Variants in BICRAL observed in about 807,000 individuals in gnomAD.
The protein encoded by BICRAL is BICRA like chromatin remodeling complex associated protein.
In BICRAL, 8 loss-of-function variants were observed where a neutral mutation model predicts 91.8. That is an observed-to-expected ratio of 0.09 (90% CI 0.05 to 0.16). The LOEUF is 0.16. Ranked by LOEUF, BICRAL falls within the 10% of genes least tolerant of loss-of-function variation. The pLI, the probability that BICRAL is intolerant of heterozygous loss-of-function variation, is 1.00. For synonymous variants in BICRAL, 445 were observed against 491.1 expected (o/e 0.91, Z 1.24); for missense variants, 1,038 against 1,310.9 (o/e 0.79, Z 3.21).
At chr6:42,823,591 C>A (rs567317920) in intron 5 of BICRAL, among the ~76,000 whole-genome samples, 1 of 151,970 alleles carries the variant, frequency 6.6e-6, no homozygotes, top group South Asian at 2.1e-4. Flanking sequence ...AGTTCAAGAC[C>A]AGCCTGGGCA....
chr6:42,821,596 G>A (rs1006698951), intron 2 of BICRAL, among the ~76,000 whole-genome samples: 22 of 152,202 alleles, frequency 1.4e-4, no homozygotes, highest in Admixed American at 1.4e-3. Context: ...TGCTCACCAT[G>A]TTTAGGAACA....
At chr6:42,830,274 A>C in intron 6 of BICRAL, 102 bp downstream of exon 6, 1 of 1,329,704 alleles carries the variant, frequency 7.5e-7, no homozygotes, top group Non-Finnish European at 1.0e-6. Flanking sequence ...CCAATTTCTT[A>C]AAAATTTTAG....
chr6:42,747,573 A>T (rs926794502), intron 1 of BICRAL, among the ~76,000 whole-genome samples: 2 of 152,182 alleles, frequency 1.3e-5, no homozygotes, highest in Admixed American at 1.3e-4. Context: ...TTGCTGGGCC[A>T]GAGTATTTCT....
At chr6:42,775,988 A>G (rs1182782740) in intron 1 of BICRAL, among the ~76,000 whole-genome samples, 1 of 152,208 alleles carries the variant, frequency 6.6e-6, no homozygotes, top group Non-Finnish European at 1.5e-5. Flanking sequence ...ATTCAATACT[A>G]TATATGGGAC....
At position 42,826,255 on chromosome 6, in the gene BICRAL, A is replaced by G. The variant is rs1352308859; in HGVS notation, c.160-2238A>G. On this transcript the variant is annotated intron_variant, in intron 5 of 12. Coordinates refer to ENST00000314073, the MANE Select transcript of BICRAL (RefSeq NM_001393499.1). ...TCTTTTTTTTTTTTTTTTTTTTGAG[A>G]CAAGAGTCTCGCTCTGTTGCCCAGG... 2.4e-5 allele frequency among the ~76,000 whole-genome samples: 3 copies of G among 126,294 alleles called. No individual in the cohort carries two copies. The East Asian group carries it at 6.5e-4, about 27-fold the overall frequency. The allele number at this position is 126,294 out of a possible 152,430, so 82.9% of individuals were successfully genotyped here. A position where few individuals can be genotyped will look rare whatever the true frequency, so the allele number is the denominator to read the frequency against.
At chr6:42,772,352 C>T (rs1762750614) in intron 1 of BICRAL, among the ~76,000 whole-genome samples, 1 of 152,070 alleles carries the variant, frequency 6.6e-6, no homozygotes, top group Non-Finnish European at 1.5e-5. Context: ...GAGAAGGCTT[C>T]CCAGAGGAGG....
chr6:42,852,311 T>C, intron 7 of BICRAL, 114 bp downstream of exon 7: 1 of 729,162 alleles, frequency 1.4e-6, no homozygotes, highest in Non-Finnish European at 2.5e-6. Flanking sequence ...TCCACTCCGA[T>C]TATTCCTTTC....
intron 1 of BICRAL, among the ~76,000 whole-genome samples, chr6:42,769,616 A>C (rs7738795): frequency 0.037 from 5,709 of 152,286 alleles, 342 homozygotes; most frequent in African/African-American, 0.13. Context: ...CATCAAGCTC[A>C]CTGTCTGGGC....
chr6:42,835,320 G>A (rs1044293649), intron 6 of BICRAL, among the ~76,000 whole-genome samples: 4 of 151,712 alleles, frequency 2.6e-5, no homozygotes, highest in African/African-American at 9.7e-5. Context: ...GTAGAGACAG[G>A]GTTTTACCAT....
intron 1 of BICRAL, among the ~76,000 whole-genome samples, chr6:42,763,721 T>G (rs1017929901): frequency 9.2e-5 from 14 of 151,716 alleles, no homozygotes. Flanking sequence ...CTTGGGAGGC[T>G]AAGGCAAGAG....
rs371987680 is a variant in BICRAL, at chr6:42,855,963, G to A, written c.2108+46G>A. 3.5e-6 allele frequency: 5 copies of A among 1,430,976 alleles called. No homozygotes were observed. The African/African-American group carries it at 5.6e-5, about 16-fold the overall frequency. 88.6% of individuals were successfully genotyped at this position (1,430,976 alleles called of 1,614,324 possible). ...ACAAATCAATTCTGAACACTTCTTT[G>A]GGTCCCTAGCCTTCAATAAATATAC... On this transcript the variant is annotated intron_variant, in intron 9 of 12. Transcript: ENST00000314073.
rs1244952747 is a variant in BICRAL, at chr6:42,864,182, AT to A, written c.2453-476del. On this transcript the variant is annotated intron_variant, in intron 12 of 12. Coordinates refer to ENST00000314073, the MANE Select transcript of BICRAL (RefSeq NM_001393499.1). ...AACTCCGTCTCAAAAAAAAAAAAAA[AT>A]ACCACAATTAAATGGGCATGGTGGC... 1.8e-3 allele frequency among the ~76,000 whole-genome samples: 277 copies of A among 151,364 alleles called. 1 individual carries two copies. The highest frequency in any genetic ancestry group is 3.5e-3 in the Non-Finnish European group (237 of 67,824).
chr6:42,801,308 T>C (rs1030456436), intron 1 of BICRAL, among the ~76,000 whole-genome samples: 19 of 151,114 alleles, frequency 1.3e-4, no homozygotes, highest in Non-Finnish European at 2.8e-4. Context: ...TTATAATTAC[T>C]GACATTTTGA....
At chr6:42,832,578 CGTGTGT>C (rs59693040) in intron 6 of BICRAL, among the ~76,000 whole-genome samples, 4 of 142,740 alleles carry the variant, frequency 2.8e-5, no homozygotes, top group East Asian at 2.1e-4. Context: ...ATCAAAGGGG[CGTGTGT>C]GTGTGTGTGT....
intron 1 of BICRAL, among the ~76,000 whole-genome samples, chr6:42,754,537 A>G (rs1009666306): frequency 1.3e-5 from 2 of 152,230 alleles, no homozygotes; most frequent in Non-Finnish European, 2.9e-5. Context: ...TTTAAGAAAC[A>G]ATAAATACTC....
chr6:42,854,182 A>T (rs926035116), intron 8 of BICRAL, among the ~76,000 whole-genome samples: 2 of 152,150 alleles, frequency 1.3e-5, no homozygotes, highest in East Asian at 3.9e-4. Context: ...CCCAACTTTG[A>T]CACTTTTTAA....
intron 6 of BICRAL, among the ~76,000 whole-genome samples, chr6:42,842,674 C>T (rs1764838096): frequency 6.6e-6 from 1 of 152,196 alleles, no homozygotes; most frequent in Non-Finnish European, 1.5e-5. Context: ...CTTCACTGAT[C>T]TCTTCCTGCC....
intron 1 of BICRAL, among the ~76,000 whole-genome samples, chr6:42,757,444 G>A (rs548962416): frequency 1.3e-5 from 2 of 152,086 alleles, no homozygotes; most frequent in African/African-American, 4.8e-5. Flanking sequence ...ACTAGAGACG[G>A]GGTTTCACCC....
In BICRAL at chr6:42,860,208, C is replaced by A. The variant is rs1345204287; in HGVS notation, c.2255-54C>A. The A allele has an allele frequency of 1.2e-5, 12 of 985,884 alleles. No individual in the cohort carries two copies. The East Asian group carries it at 2.6e-4, about 22-fold the overall frequency. The allele number at this position is 985,884 out of a possible 1,614,324, so 61.1% of individuals were successfully genotyped here. ...TATTTCAGTCTTAAGAAACAGAAGA[C>A]CTAGTCAGTGATTTACAGTCTCTCA... On this transcript the variant is annotated intron_variant, in intron 10 of 12. Transcript: ENST00000314073.
Sources: allele counts gnomAD v4.1 joint callset (sites outside exome capture counted in the v4.1 genomes callset), GRCh38; gene constraint gnomAD v4.1.1; transcripts MANE v1.5; gene names NCBI Gene and HGNC (gene_info 2026-07-23, HGNC 2026-07-21).